Variants in FAM124A observed in about 807,000 individuals in gnomAD.
FAM124A encodes the protein family with sequence similarity 124 member A.
A neutral mutation model predicts 24.5 loss-of-function variants in FAM124A; 23 were observed. The ratio of observed to expected loss-of-function variants is 0.94; its 90% confidence interval spans 0.68 to 1.33. The LOEUF is 1.33. Among genes scored for constraint, FAM124A ranks in the 40% most tolerant of loss-of-function variants. The probability of loss-of-function intolerance (pLI) is 0.00; values close to 1 mark genes in which losing one functional copy is unlikely to be tolerated. For missense variants in FAM124A, 623 were observed against 722.8 expected (o/e 0.86, Z 1.58); for synonymous variants, 287 against 314.7 (o/e 0.91, Z 0.93).
At chr13:51,224,135 C>T (rs1954292342) in intron 1 of FAM124A, among the ~76,000 whole-genome samples, 1 of 152,230 alleles carries the variant, frequency 6.6e-6, no homozygotes, top group Non-Finnish European at 1.5e-5. Flanking sequence ...TTCTCAGCCT[C>T]TGTCACTAAA....
rs765175047 is a variant in FAM124A at position 51,281,267 on chromosome 13, C to G, written c.*11C>G. ...GAATTCTACATCTGAATGCCCTCTG[C>G]TCTTGTTCTCGAAACACACAAACTC... On this transcript the variant is annotated 3_prime_UTR_variant, in exon 4 of 4. Coordinates refer to ENST00000322475, the MANE Select transcript of FAM124A (RefSeq NM_001242312.2). The G allele has an allele frequency of 3.3e-6, 5 of 1,537,678 alleles. No individual in the cohort carries two copies. Among genetic ancestry groups the G allele is most frequent in the Non-Finnish European group, 3.5e-6 (4 of 1,147,340 alleles).
At chr13:51,227,285 G>A (rs1954325302) in intron 1 of FAM124A, 1 of 152,180 alleles carries the variant, frequency 6.6e-6, no homozygotes, top group Non-Finnish European at 1.5e-5. Context: ...TGGCTCGTTA[G>A]AGGCATGAAT....
intron 2 of FAM124A, among the ~76,000 whole-genome samples, chr13:51,239,273 G>A (rs1454092236): frequency 6.6e-6 from 1 of 152,152 alleles, no homozygotes; most frequent in Non-Finnish European, 1.5e-5. Context: ...GATTAGCAAA[G>A]AGAAGCAAAC....
chr13:51,253,491 T>C (rs988393452), intron 3 of FAM124A: 9 of 152,248 alleles, frequency 5.9e-5, no homozygotes, highest in African/African-American at 1.7e-4. Flanking sequence ...CCTTTTGAAA[T>C]GTGAGAAAAA....
intron 3 of FAM124A, 32 bp from the exon 4 acceptor site, chr13:51,280,418 T>C (rs199714696): frequency 3.0e-5 from 46 of 1,524,772 alleles, no homozygotes; most frequent in Non-Finnish European, 4.4e-6. Flanking sequence ...ATTCCCATCC[T>C]GCACTAATGT....
rs3138586 is a variant in FAM124A, at chr13:51,272,566, T to TACACACACACACAC, written c.835-7869_835-7856dup. Among the ~76,000 whole-genome samples, 16 of 148,964 alleles carry TACACACACACACAC rather than the reference T, an allele frequency of 1.1e-4. No homozygotes were observed. The highest frequency in any genetic ancestry group is 4.0e-4 in the African/African-American group (16 of 40,188). On this transcript the variant is annotated intron_variant, in intron 3 of 3. Coordinates refer to ENST00000322475, the MANE Select transcript of FAM124A (RefSeq NM_001242312.2). This position sits in a 1 kb window ranked among gnomAD's most constrained non-coding sequence, Gnocchi z 4.2. Reference sequence around the variant, plus strand: ...ACCTATTTTTGTAAATAAAGCCTTATACACACACACACACACACACACACA... The same window carrying TACACACACACACAC: ...ACCTATTTTTGTAAATAAAGCCTTATACACACACACACACACACACACACACACACACACACACA...
intron 2 of FAM124A, among the ~76,000 whole-genome samples, chr13:51,241,305 A>G (rs9563038): frequency 0.17 from 26,466 of 152,140 alleles, 2,536 homozygotes; most frequent in South Asian, 0.32. Flanking sequence ...TCTCTGCGTC[A>G]TTTAGAATGT....
intron 2 of FAM124A, among the ~76,000 whole-genome samples, chr13:51,244,423 TTAAA>T (rs1954534039): frequency 6.6e-6 from 1 of 152,222 alleles, no homozygotes; most frequent in Non-Finnish European, 1.5e-5. Flanking sequence ...CATTCTTTGA[TTAAA>T]TAAATGATGA....
intron 1 of FAM124A, 110 bp downstream of exon 1, chr13:51,222,679 G>C: frequency 9.4e-7 from 1 of 1,068,402 alleles, no homozygotes; most frequent in East Asian, 3.6e-5. Context: ...GGGGCGCGGG[G>C]CTTCTCCTCC....
chr13:51,224,907 C>G (rs1418928412), intron 1 of FAM124A, among the ~76,000 whole-genome samples: 1 of 152,090 alleles, frequency 6.6e-6, no homozygotes, highest in Non-Finnish European at 1.5e-5. Flanking sequence ...GTTTCCTCGC[C>G]TTTGTCAAGC....
At chr13:51,256,502 T>G (rs1293716405) in intron 3 of FAM124A, among the ~76,000 whole-genome samples, 2 of 152,098 alleles carry the variant, frequency 1.3e-5, no homozygotes, top group African/African-American at 4.8e-5. Context: ...ACCAGAGAAC[T>G]TTTCAGATCT....
intron 2 of FAM124A, among the ~76,000 whole-genome samples, chr13:51,247,316 G>A (rs1184621419): frequency 6.6e-6 from 1 of 152,200 alleles, no homozygotes; most frequent in East Asian, 1.9e-4. Flanking sequence ...CACGGAACTC[G>A]GATACTGGAG....
At chr13:51,253,378 T>C (rs1397031666) in intron 3 of FAM124A, 7 of 152,244 alleles carry the variant, frequency 4.6e-5, no homozygotes, top group African/African-American at 2.4e-5. Context: ...AGATACTTAC[T>C]ATTTATAGGA....
At chr13:51,252,397 TGG>T (rs1006338541) in intron 3 of FAM124A, 196 bp downstream of exon 3, 87 of 694,796 alleles carry the variant, frequency 1.3e-4, no homozygotes, top group Middle Eastern at 7.8e-4. Flanking sequence ...CTCTTCCCAT[TGG>T]TTCTCTTCAT....
chr13:51,232,833 T>G (rs1954392960), intron 2 of FAM124A, among the ~76,000 whole-genome samples: 1 of 152,226 alleles, frequency 6.6e-6, no homozygotes, highest in Non-Finnish European at 1.5e-5. Context: ...TAGTTCAATT[T>G]GTAGCTCACA....
Position 51,280,888 on chromosome 13 carries a change from C to T in FAM124A, c.1273C>T (p.Leu425=). Residue 425 remains leucine, a synonymous_variant, in exon 4 of 4, where the codon CTG becomes TTG. Transcript: ENST00000322475. The part of the protein sequence containing the change: ...DTGLRLSSSD[L]SVVSAYSAPS... ...AGGCCTGCGGCTGTCCTCATCGGAC[C>T]TGTCTGTGGTCTCTGCATATTCTGC... 6.2e-7 allele frequency: 1 copy of T among 1,614,158 alleles called. No homozygotes were observed. The highest frequency in any genetic ancestry group is 1.3e-5 in the African/African-American group (1 of 75,054).
In FAM124A at chr13:51,258,300, A is replaced by G. The variant is rs531740678; in HGVS notation, c.834+6099A>G. Among the ~76,000 whole-genome samples the G allele has an allele frequency of 3.3e-5, 5 of 152,346 alleles. No homozygotes were observed. In the South Asian group the frequency reaches 1.0e-3, roughly 32 times the overall value. ...GGTCATATTCTGAGGTTACTAGGGG[A>G]TGGAACTTGAACATATGAATTTTGA... On this transcript the variant is annotated intron_variant, in intron 3 of 3. Coordinates refer to ENST00000322475, the MANE Select transcript of FAM124A (RefSeq NM_001242312.2). This position sits in a 1 kb window ranked among gnomAD's most constrained non-coding sequence, Gnocchi z 4.2.
intron 2 of FAM124A, among the ~76,000 whole-genome samples, chr13:51,240,624 G>C (rs1313690329): frequency 6.6e-6 from 1 of 152,130 alleles, no homozygotes; most frequent in Non-Finnish European, 1.5e-5. Context: ...TGTGATGAAG[G>C]GCTCGCCATC....
At chr13:51,252,377 G>T (rs540178538) in intron 3 of FAM124A, 176 bp downstream of exon 3, 1 of 800,774 alleles carries the variant, frequency 1.2e-6, no homozygotes, top group East Asian at 2.7e-5. Flanking sequence ...AAAAGAGGGG[G>T]CAAGAAAGAC....
Sources: gnomAD v4.1 joint callset for allele counts (sites outside exome capture counted in the v4.1 genomes callset) on GRCh38, gnomAD v4.1.1 for gene constraint, Gnocchi (gnomAD v3.1) non-coding constraint, MANE v1.5 for transcripts, NCBI Gene and HGNC (gene_info 2026-07-23, HGNC 2026-07-21) for gene names.